The following SNX8 variants were observed in gnomAD, a reference collection of about 807,000 sequenced individuals.
SNX8 encodes sorting nexin-8.
SNX8 carries 25 observed loss-of-function variants against 51.6 expected under a neutral mutation model. The ratio of observed to expected loss-of-function variants is 0.48; its 90% CI spans 0.35 to 0.68. The LOEUF (loss-of-function observed/expected upper bound fraction) is 0.68. Ranked by LOEUF, SNX8 falls within the 30% of genes least tolerant of loss-of-function variation. The probability of loss-of-function intolerance (pLI) is 0.00; values close to 1 mark genes in which losing one functional copy is unlikely to be tolerated. For missense variants in SNX8, 695 were observed against 624.0 expected, an observed-to-expected ratio of 1.11 and a Z score of -1.21; for synonymous variants, 324 against 277.0, an observed-to-expected ratio of 1.17 and a Z score of -1.68.
chr7:2,271,258 T>C (rs1795637925), intron 4 of SNX8, among the ~76,000 whole-genome samples: 1 of 152,214 alleles, frequency 6.6e-6, no homozygotes, highest in African/African-American at 2.4e-5. Flanking sequence ...TCCAGGCTGG[T>C]CTCAAACGCC....
rs1294512090 is a variant in SNX8 at position 2,347,610 on chromosome 7, A to T, written c.-66+6612T>A. Among the ~76,000 whole-genome samples, 6 of 126,416 alleles carry T rather than the reference A, an allele frequency of 4.7e-5. No homozygotes were observed. In the Admixed American group the frequency reaches 5.0e-4, roughly 11 times the overall value. The allele number at this position is 126,416 out of a possible 152,430, so 82.9% of individuals were successfully genotyped here. ...TTCAGATGATTTGGGGCCACACTGG[A>T]TTCTTTTTTTTTTTTTTTTTTGCTC... On this transcript the variant is annotated intron_variant, in intron 1 of 5. Coordinates refer to the SNX8 transcript ENST00000435336.
intron 1 of SNX8, among the ~76,000 whole-genome samples, chr7:2,300,701 G>A (rs1432078139): frequency 6.6e-6 from 1 of 151,878 alleles, no homozygotes; most frequent in African/African-American, 2.4e-5. Context: ...GGAGTGCAGT[G>A]GTGCAATCTT....
chr7:2,263,475 T>C (rs1336498273), intron 6 of SNX8, 113 bp from the exon 7 acceptor site: 2 of 1,029,218 alleles, frequency 1.9e-6, no homozygotes, highest in Non-Finnish European at 1.4e-6. Context: ...CGTGACCCCG[T>C]CCTAGGACCC....
At chr7:2,286,888 C>A (rs762517044) in intron 1 of SNX8, among the ~76,000 whole-genome samples, 4 of 151,344 alleles carry the variant, frequency 2.6e-5, no homozygotes, top group Admixed American at 2.0e-4. Context: ...CACCTGTGAT[C>A]GCAGCACTTT....
intron 1 of SNX8, among the ~76,000 whole-genome samples, chr7:2,347,140 C>T (rs1779046899): frequency 6.6e-6 from 1 of 151,920 alleles, no homozygotes; most frequent in Non-Finnish European, 1.5e-5. Flanking sequence ...GCTGGGGCAA[C>T]ATAGCTAGAC....
intron 3 of SNX8, among the ~76,000 whole-genome samples, chr7:2,273,760 C>T (rs1291413111): frequency 1.3e-5 from 2 of 150,536 alleles, no homozygotes; most frequent in African/African-American, 4.9e-5. Flanking sequence ...AAAAATTAGC[C>T]AGGCGTGGTG....
chr7:2,329,369 C>A (rs959625985), intron 1 of SNX8, among the ~76,000 whole-genome samples: 3 of 152,002 alleles, frequency 2.0e-5, no homozygotes, highest in Non-Finnish European at 4.4e-5. Flanking sequence ...GCCAGATATA[C>A]AGCGTCTTAT....
In SNX8 at chr7:2,264,323, G is replaced by C. The variant is rs779617612; in HGVS notation, c.757C>G (p.Leu253Val). The C allele has an allele frequency of 5.0e-6, 8 of 1,612,200 alleles. No homozygotes were observed. In the Admixed American group the frequency reaches 1.2e-4, roughly 24 times the overall value. The change falls in exon 6 of 11, where the codon CTT becomes GTT. Residue 253 changes from leucine (L) to valine (V), a missense_variant. Transcript: ENST00000222990. ...ASRAIDNAAD[L>V]LIFGKELSAI... ...CTTAGCTCCTTCCCGAATATGAGAA[G>C]ATCTGCCGCATTGTCGATGGCCCGC...
chr7:2,296,862 A>T (rs1467600125), intron 1 of SNX8, among the ~76,000 whole-genome samples: 1 of 151,840 alleles, frequency 6.6e-6, no homozygotes, highest in East Asian at 1.9e-4. Context: ...CCTGGGAGGC[A>T]GAGGTTGCAG....
intron 1 of SNX8, among the ~76,000 whole-genome samples, chr7:2,279,438 G>C (rs918442685): frequency 3.9e-5 from 6 of 152,068 alleles, no homozygotes; most frequent in Non-Finnish European, 2.9e-5. Flanking sequence ...TCGACGCTGC[G>C]GGCACGTCCT....
At chr7:2,307,462 T>C (rs1235997245) in intron 1 of SNX8, among the ~76,000 whole-genome samples, 1 of 151,664 alleles carries the variant, frequency 6.6e-6, no homozygotes, top group Non-Finnish European at 1.5e-5. Context: ...TGAAACCCCA[T>C]CTCTACTAAA....
At chr7:2,354,029 G>C (rs557406840) in intron 1 of SNX8, 1 of 152,376 alleles carries the variant, frequency 6.6e-6, no homozygotes, top group Non-Finnish European at 1.5e-5. Flanking sequence ...GAACCGCTCC[G>C]GTCCCTCCGG....
chr7:2,253,693 C>G lies in SNX8; in HGVS notation c.*1363G>C, dbSNP rs1283751773. ...CAGCCCACGGGGCCAGAAGGCACGG[C>G]CGTTCCCTCTGGCCGGCTCGCAGTG... On this transcript the variant is annotated 3_prime_UTR_variant, in exon 11 of 11. Coordinates refer to ENST00000222990, the MANE Select transcript of SNX8 (RefSeq NM_013321.4). 6.6e-6 allele frequency: 1 copy of G among 152,344 alleles called. No individual in the cohort carries two copies. Among genetic ancestry groups the G allele is most frequent in the Non-Finnish European group, 1.5e-5 (1 of 68,148 alleles). 9.4% of individuals were successfully genotyped at this position (152,344 alleles called of 1,614,324 possible).
chr7:2,310,493 C>T (rs369368470), intron 1 of SNX8, among the ~76,000 whole-genome samples: 28 of 152,080 alleles, frequency 1.8e-4, no homozygotes, highest in African/African-American at 6.5e-4. Context: ...CGTGGCTGGG[C>T]GCAGTGGTTC....
intron 1 of SNX8, among the ~76,000 whole-genome samples, chr7:2,285,888 G>T (rs1796015634): frequency 6.6e-6 from 1 of 152,074 alleles, no homozygotes; most frequent in Non-Finnish European, 1.5e-5. Flanking sequence ...TCACTATGTT[G>T]CCCAGGCTGG....
At chr7:2,346,103 A>G (rs1157166441) in intron 1 of SNX8, among the ~76,000 whole-genome samples, 2 of 152,084 alleles carry the variant, frequency 1.3e-5, no homozygotes, top group African/African-American at 4.8e-5. Flanking sequence ...CACCACACCC[A>G]GCCTATTTCT....
At chr7:2,349,725 C>G (rs1231676381) in intron 1 of SNX8, among the ~76,000 whole-genome samples, 1 of 152,052 alleles carries the variant, frequency 6.6e-6, no homozygotes, top group Non-Finnish European at 1.5e-5. Flanking sequence ...CGTGAGCCAC[C>G]GCGCCTGGCC....
chr7:2,322,723 A>G (rs565698611), intron 1 of SNX8, among the ~76,000 whole-genome samples: 7 of 151,374 alleles, frequency 4.6e-5, no homozygotes, highest in African/African-American at 1.2e-4. Flanking sequence ...ATAAAATAAA[A>G]TAAATGCTGT....
intron 4 of SNX8, among the ~76,000 whole-genome samples, chr7:2,271,408 A>T (rs1243570492): frequency 6.6e-6 from 1 of 152,172 alleles, no homozygotes; most frequent in Admixed American, 6.5e-5. Flanking sequence ...CCCCACTCAG[A>T]CCTCTGACGG....
Sources: allele counts gnomAD v4.1 joint callset (sites outside exome capture counted in the v4.1 genomes callset), GRCh38; gene constraint gnomAD v4.1.1; transcripts MANE v1.5; gene names NCBI Gene and HGNC (gene_info 2026-07-23, HGNC 2026-07-21).